The following INPP4A variants were observed in gnomAD, a reference collection of about 807,000 sequenced individuals.
INPP4A encodes inositol polyphosphate-4-phosphatase type I A.
In INPP4A, 33 loss-of-function variants were observed where a neutral mutation model predicts 119.8. That is an observed-to-expected ratio of 0.28 (90% CI 0.21 to 0.37). The LOEUF (loss-of-function observed/expected upper bound fraction) is 0.37. Ranked by LOEUF, INPP4A falls within the 10% of genes least tolerant of loss-of-function variation. INPP4A has a pLI of 1.00. For synonymous variants in INPP4A, 496 were observed against 500.7 expected (o/e 0.99, Z 0.12); for missense variants, 956 against 1,289.9 (o/e 0.74, Z 3.97).
chr2:98,489,008 C>T (rs1680148285), intron 1 of INPP4A, among the ~76,000 whole-genome samples: 1 of 147,086 alleles, frequency 6.8e-6, no homozygotes, highest in Non-Finnish European at 1.5e-5. Context: ...TGTTGGCTGT[C>T]AGCCTTACTA....
chr2:98,497,766 C>T (rs1682318328), intron 1 of INPP4A, among the ~76,000 whole-genome samples: 1 of 152,144 alleles, frequency 6.6e-6, no homozygotes, highest in African/African-American at 2.4e-5. Context: ...CTGTGGAAGC[C>T]CACCTCTTGC....
At chr2:98,572,685 C>T in intron 22 of INPP4A, 130 bp from the exon 23 acceptor site, 1 of 608,164 alleles carries the variant, frequency 1.6e-6, no homozygotes, top group South Asian at 2.1e-5. Context: ...CAAACACCTC[C>T]ATCCCTTCTT....
At chr2:98,449,911 C>A (rs1367816567) in intron 1 of INPP4A, among the ~76,000 whole-genome samples, 1 of 152,138 alleles carries the variant, frequency 6.6e-6, no homozygotes, top group East Asian at 1.9e-4. Context: ...TCCCAAATTA[C>A]CAAAAATATT....
chr2:98,543,489 T>A (rs1405313798), intron 10 of INPP4A, among the ~76,000 whole-genome samples: 1 of 152,118 alleles, frequency 6.6e-6, no homozygotes, highest in East Asian at 1.9e-4. Flanking sequence ...TCCGGGAGGA[T>A]CACACGTTGT....
intron 24 of INPP4A, 122 bp downstream of exon 24, chr2:98,577,265 A>C: frequency 9.5e-7 from 1 of 1,049,452 alleles, no homozygotes; most frequent in Non-Finnish European, 1.3e-6. Context: ...TCCAGCCTTC[A>C]CACTTGAGTT....
At chr2:98,560,103 A>G (rs1403462085) in intron 17 of INPP4A, among the ~76,000 whole-genome samples, 1 of 152,124 alleles carries the variant, frequency 6.6e-6, no homozygotes, top group Non-Finnish European at 1.5e-5. Context: ...AGCCTAAAAT[A>G]TTTACTGTCT....
intron 1 of INPP4A, among the ~76,000 whole-genome samples, chr2:98,488,418 C>T (rs945421843): frequency 6.6e-6 from 1 of 152,208 alleles, no homozygotes; most frequent in Non-Finnish European, 1.5e-5. Flanking sequence ...CTCCATTTGC[C>T]AGTTCTGTGT....
At chr2:98,522,140 A>G (rs1179415145) in intron 4 of INPP4A, among the ~76,000 whole-genome samples, 3 of 152,034 alleles carry the variant, frequency 2.0e-5, no homozygotes, top group African/African-American at 7.2e-5. Flanking sequence ...TACAAAAATT[A>G]GCCAGGCATG....
chr2:98,558,195 A>T (rs1301315831), intron 16 of INPP4A, among the ~76,000 whole-genome samples: 2 of 152,174 alleles, frequency 1.3e-5, no homozygotes, highest in Non-Finnish European at 2.9e-5. Flanking sequence ...TTAATCCCTG[A>T]TGCCTTCACA....
At chr2:98,523,024 T>G (rs1687509099) in intron 4 of INPP4A, among the ~76,000 whole-genome samples, 1 of 152,212 alleles carries the variant, frequency 6.6e-6, no homozygotes, top group Admixed American at 6.5e-5. Flanking sequence ...GTTCTCATCC[T>G]AAAGAGGGAC....
At chr2:98,537,017 C>T (rs956670800) in intron 7 of INPP4A, among the ~76,000 whole-genome samples, 3 of 152,180 alleles carry the variant, frequency 2.0e-5, no homozygotes, top group African/African-American at 4.8e-5. Context: ...TATTTAGTTA[C>T]GTCATGTGTC....
intron 4 of INPP4A, among the ~76,000 whole-genome samples, chr2:98,533,057 T>TA (rs1251029777): frequency 9.2e-5 from 14 of 152,306 alleles, no homozygotes; most frequent in Admixed American, 8.5e-4. Flanking sequence ...TTGGAATAGT[T>TA]ACCGAGGTCG....
chr2:98,462,007 A>G (rs1697248370), intron 1 of INPP4A, among the ~76,000 whole-genome samples: 1 of 152,228 alleles, frequency 6.6e-6, no homozygotes, highest in South Asian at 2.1e-4. Context: ...ATTGAGCATC[A>G]TTCTAGCTGG....
chr2:98,586,659 T>C (rs1199639761), intron 24 of INPP4A, among the ~76,000 whole-genome samples: 1 of 152,202 alleles, frequency 6.6e-6, no homozygotes, highest in East Asian at 1.9e-4. Flanking sequence ...CAGTGTTTGC[T>C]TTTGCCCCCT....
At chr2:98,519,398 A>G (rs1200869499) in intron 2 of INPP4A, 1 of 152,384 alleles carries the variant, frequency 6.6e-6, no homozygotes, top group Non-Finnish European at 1.5e-5. Flanking sequence ...GCTTAGGCCC[A>G]GATTACATGC....
intron 24 of INPP4A, chr2:98,581,788 A>G: frequency 6.3e-7 from 1 of 1,594,842 alleles, no homozygotes; most frequent in Non-Finnish European, 8.5e-7. Context: ...AAGTCACAAG[A>G]AAAACAAAAG....
intron 1 of INPP4A, among the ~76,000 whole-genome samples, chr2:98,453,348 AT>A (rs1279061537): frequency 2.0e-5 from 3 of 152,258 alleles, no homozygotes; most frequent in Non-Finnish European, 4.4e-5. Context: ...GGTTCATGAA[AT>A]CAATTTGAGG....
At chr2:98,526,040 G>A (rs1054392865) in intron 4 of INPP4A, among the ~76,000 whole-genome samples, 1 of 152,028 alleles carries the variant, frequency 6.6e-6, no homozygotes, top group African/African-American at 2.4e-5. Context: ...AGTTCAAAAC[G>A]GAAAACAACC....
Position 98,569,588 on chromosome 2 carries a change from G to A in INPP4A, c.2518+920G>A, listed in dbSNP as rs138194433. The A allele has an allele frequency of 6.6e-6, 1 of 152,362 alleles. No individual in the cohort carries two copies. The highest frequency in any genetic ancestry group is 1.9e-4 in the East Asian group (1 of 5,188). 9.4% of individuals were successfully genotyped at this position (152,362 alleles called of 1,614,324 possible). On this transcript the variant is annotated intron_variant, in intron 22 of 24. Coordinates refer to ENST00000409851, the MANE Select transcript of INPP4A (RefSeq NM_001134225.2). This position sits in a 1 kb window ranked among gnomAD's most constrained non-coding sequence, Gnocchi z 5.1. ...CTGCTGGTGAACCTTCACAGGTCAC[G>A]GATGTGCCAGACACTGGGCTGGGCT...
Sources: gnomAD v4.1 joint callset for allele counts (sites outside exome capture counted in the v4.1 genomes callset) on GRCh38, gnomAD v4.1.1 for gene constraint, Gnocchi (gnomAD v3.1) non-coding constraint, MANE v1.5 for transcripts, NCBI Gene and HGNC (gene_info 2026-07-23, HGNC 2026-07-21) for gene names.